The following SPTA1 variants were observed in gnomAD, a reference collection of about 807,000 sequenced individuals.
SPTA1 encodes the protein spectrin alpha, erythrocytic 1, also known as spectrin alpha chain, erythrocytic 1.
Under a neutral mutation model 324.7 loss-of-function variants are expected in SPTA1, and 177 were observed. The ratio of observed to expected loss-of-function variants is 0.55; its 90% CI spans 0.48 to 0.62. The LOEUF is 0.62. Among genes scored for constraint, SPTA1 ranks in the 20% least tolerant of loss-of-function variants. The pLI, the probability that SPTA1 is intolerant of heterozygous loss-of-function variation, is 0.00. For missense variants in SPTA1, 3,162 were observed against 2,883.6 expected, an observed-to-expected ratio of 1.10 and a Z score of -2.21; for synonymous variants, 1,195 against 1,041.3, an observed-to-expected ratio of 1.15 and a Z score of -2.84.
intron 14 of SPTA1, among the ~76,000 whole-genome samples, chr1:158,668,332 G>T (rs551571394): frequency 1.3e-5 from 2 of 152,202 alleles, no homozygotes; most frequent in South Asian, 4.1e-4. Flanking sequence ...CCCCATTCAA[G>T]CACTAACAAT....
chr1:158,639,643 G>C lies in SPTA1; in HGVS notation c.4919C>G (p.Ala1640Gly), dbSNP rs369714529. 1,400 of 1,613,894 alleles carry C rather than the reference G, an allele frequency of 8.7e-4. 25 individuals carry two copies. The South Asian group carries it at 0.015, about 17-fold the overall frequency. ...LAMKDQARDL[A>G]SAGNLLKKHQ... ...CTTCTTGAGTAGGTTTCCTGCTGAA[G>C]CCAAGTCCCTGGCCTGATCTTTCAT... The change falls in exon 35 of 52, where the codon GCT (alanine) becomes GGT (glycine). Residue 1640 changes from alanine to glycine, a missense_variant. Coordinates refer to ENST00000643759, the MANE Select transcript of SPTA1 (RefSeq NM_003126.4).
intron 41 of SPTA1, 41 bp downstream of exon 41, chr1:158,626,798 G>T (rs749255233): frequency 1.4e-5 from 23 of 1,612,146 alleles, no homozygotes; most frequent in Non-Finnish European, 1.9e-5. Context: ...ATTTATTAGG[G>T]TTTCTCAAAC....
chr1:158,613,665 C>G, intron 50 of SPTA1, 56 bp downstream of exon 50: 1 of 1,609,870 alleles, frequency 6.2e-7, no homozygotes, highest in Non-Finnish European at 8.5e-7. Context: ...ACTCTCTGTG[C>G]TTCTCCCTCC....
intron 27 of SPTA1, among the ~76,000 whole-genome samples, chr1:158,645,804 T>C (rs752534228): frequency 3.9e-5 from 6 of 152,236 alleles, no homozygotes; most frequent in Non-Finnish European, 7.3e-5. Context: ...TCACTTTTAT[T>C]ATCTTTTTCA....
chr1:158,677,140 G>A (rs1023987656), intron 7 of SPTA1, among the ~76,000 whole-genome samples: 1 of 152,124 alleles, frequency 6.6e-6, no homozygotes. Flanking sequence ...AGAAGTAAAG[G>A]ATGGAAATCA....
chr1:158,615,679 T>C (rs570096119), intron 47 of SPTA1, among the ~76,000 whole-genome samples: 2 of 149,582 alleles, frequency 1.3e-5, no homozygotes, highest in South Asian at 4.3e-4. Flanking sequence ...TCTATATCTA[T>C]ATATTCTTTC....
chr1:158,629,979 T>C (rs985302222), intron 39 of SPTA1, among the ~76,000 whole-genome samples: 19 of 151,596 alleles, frequency 1.3e-4, no homozygotes, highest in African/African-American at 4.1e-4. Flanking sequence ...CTACAAAACA[T>C]TGATAAAAGA....
Position 158,683,382 on chromosome 1 carries a change from C to T in SPTA1, c.379G>A (p.Glu127Lys), listed in dbSNP as rs771256946. ...ERFTMGHSAH[E>K]ETKAHIEELR... ...GCCCATACATATACCTTCGTTTCTT[C>T]GTGGGCAGAATGACCCATGGTAAAT... The change falls in exon 3 of 52, where the codon GAA (glutamate) becomes AAA (lysine). Residue 127 changes from glutamate (E) to lysine (K), a missense_variant. Physicochemically the swap from Glu to Lys is moderately conservative, Grantham distance 56 (BLOSUM62 1). Coordinates refer to ENST00000643759, the MANE Select transcript of SPTA1 (RefSeq NM_003126.4). 7.4e-6 allele frequency: 12 copies of T among 1,613,236 alleles called. No homozygotes were observed. Among genetic ancestry groups the T allele is most frequent in the Middle Eastern group, 1.7e-4 (1 of 6,054 alleles).
chr1:158,654,820 G>A (rs1652711583), intron 20 of SPTA1, 72 bp from the exon 21 acceptor site: 1 of 1,599,806 alleles, frequency 6.3e-7, no homozygotes, highest in African/African-American at 1.3e-5. Context: ...CCAGGGGTGA[G>A]TAGTCCTTTA....
intron 11 of SPTA1, 47 bp downstream of exon 11, chr1:158,672,012 G>T (rs780547377): frequency 6.2e-7 from 1 of 1,611,210 alleles, no homozygotes; most frequent in South Asian, 1.1e-5. Context: ...GGCAAATGAA[G>T]GGTGAGAGAA....
Position 158,676,141 on chromosome 1 carries a change from CAAT to C in SPTA1, c.1109_1111del (p.Tyr370del). On this transcript the variant is annotated inframe_deletion and splice_region_variant, in exon 8 of 52. Transcript: ENST00000643759. ...GCAATAAAGGGGAGGGATTTCCCAC[CAAT>C]AAGTAGCCTGCAGTTTTTCATATCT... 1 of 1,613,454 alleles carries C rather than the reference CAAT, an allele frequency of 6.2e-7. No individual in the cohort carries two copies.
Position 158,611,296 on chromosome 1 carries a change from C to T in SPTA1, c.7228G>A (p.Val2410Ile), listed in dbSNP as rs750904139. ...CCAAAGTAGGAATTGGTGAAGCCAA[C>T]GTAGTCATAGCCAGAGAGATGGCTT... ...GRSHLSGYDY[V>I]GFTNSYFGN Residue 2410 changes from valine (V) to isoleucine (I), a missense_variant, in exon 52 of 52, where the codon GTT becomes ATT. Physicochemically the swap from Val to Ile is conservative, Grantham distance 29 (BLOSUM62 3). Coordinates refer to ENST00000643759, the MANE Select transcript of SPTA1 (RefSeq NM_003126.4). 1.2e-5 allele frequency: 20 copies of T among 1,613,746 alleles called. No homozygotes were observed. Among genetic ancestry groups the T allele is most frequent in the Admixed American group, 3.3e-5 (2 of 59,964 alleles).
chr1:158,664,499 A>C (rs1653455763), intron 16 of SPTA1, among the ~76,000 whole-genome samples: 1 of 152,144 alleles, frequency 6.6e-6, no homozygotes, highest in Non-Finnish European at 1.5e-5. Context: ...GGACACAGGG[A>C]GGGGAACATC....
At chr1:158,637,304 T>A (rs1286687467) in intron 36 of SPTA1, among the ~76,000 whole-genome samples, 3 of 152,166 alleles carry the variant, frequency 2.0e-5, no homozygotes, top group Admixed American at 2.0e-4. Flanking sequence ...CCAAAAAGGT[T>A]TTTAAAACAT....
At position 158,638,219 on chromosome 1, in the gene SPTA1, G is replaced by A. The variant is rs776344246; in HGVS notation, c.5003C>T (p.Thr1668Ile). Residue 1668 changes from threonine (T) to isoleucine (I), a missense_variant, in exon 36 of 52, where the codon ACA becomes ATA. Physicochemically the swap from Thr to Ile is moderately conservative, Grantham distance 89. Coordinates refer to ENST00000643759, the MANE Select transcript of SPTA1 (RefSeq NM_003126.4). ...AREDALKDLN[T>I]LAEDLLSSGT... Reference sequence around the variant, plus strand: ...GCTGGAGAGCAAATCTTCAGCCAATGTATTCAGGTCCTTGAGTGCATCCTA... The same window carrying A: ...GCTGGAGAGCAAATCTTCAGCCAATATATTCAGGTCCTTGAGTGCATCCTA... 5 of 1,613,008 alleles carry A rather than the reference G, an allele frequency of 3.1e-6. No homozygotes were observed. In the East Asian group the frequency reaches 8.9e-5, roughly 29 times the overall value.
chr1:158,619,337 A>G lies in SPTA1; in HGVS notation c.6418-3T>C. 4 of 1,614,016 alleles carry G rather than the reference A, an allele frequency of 2.5e-6. No individual in the cohort carries two copies. Among genetic ancestry groups the G allele is most frequent in the Non-Finnish European group, 2.5e-6 (3 of 1,179,888 alleles). On this transcript the variant is annotated splice_region_variant and splice_polypyrimidine_tract_variant and intron_variant, in intron 44 of 51. Transcript: ENST00000643759. ...TTTTGCAGCTCCTGCTCCCGTTCCT[A>G]AAACCCCAAATCACAGACAACGTGA... is the stretch of plus-strand genomic sequence containing the variant.
chr1:158,628,117 G>C (rs866635438), intron 39 of SPTA1, among the ~76,000 whole-genome samples: 1 of 152,080 alleles, frequency 6.6e-6, no homozygotes, highest in African/African-American at 2.4e-5. Context: ...ACTAAGCCCT[G>C]ATCCTAAAGA....
rs1653851567 is a variant in SPTA1 at position 158,669,521 on chromosome 1, T to C, written c.1720A>G (p.Arg574Gly). 1 of 1,614,052 alleles carries C rather than the reference T, an allele frequency of 6.2e-7. No individual in the cohort carries two copies. The highest frequency in any genetic ancestry group is 1.3e-5 in the African/African-American group (1 of 74,926). Residue 574 changes from arginine (R) to glycine (G), a missense_variant, in exon 14 of 52, where the codon AGA (arginine) becomes GGA (glycine). Transcript: ENST00000643759. ...RDALREKAAT[R>G]RRLLKESLLL... ...AATGACTCCTTCAGCAATCTACGTC[T>C]AGTGGCAGCCTTTTCACGTAGGGCA...
At position 158,674,655 on chromosome 1, in the gene SPTA1, T is replaced by A. The variant is rs775230949; in HGVS notation, c.1133A>T (p.Asp378Val). ...CATCCAGCCTGAGAGTTCATCAAAG[T>A]CAGATGAAAATCGATGGTACCTGTG... ...ATYWYHRFSS[D>V]FDELSGWMNE... The change falls in exon 9 of 52, where the codon GAC (aspartate) becomes GTC (valine). Residue 378 changes from aspartate to valine, a missense_variant. Coordinates refer to ENST00000643759, the MANE Select transcript of SPTA1 (RefSeq NM_003126.4). 4.3e-6 allele frequency: 7 copies of A among 1,613,616 alleles called. No homozygotes were observed. The highest frequency in any genetic ancestry group is 1.3e-5 in the African/African-American group (1 of 74,826).
Sources: gnomAD v4.1 joint callset for allele counts (sites outside exome capture counted in the v4.1 genomes callset) on GRCh38, gnomAD v4.1.1 for gene constraint, MANE v1.5 for transcripts, NCBI Gene and HGNC (gene_info 2026-07-23, HGNC 2026-07-21) for gene names.